The following NCKAP5 variants were observed in gnomAD, a reference collection of about 807,000 sequenced individuals.
NCKAP5 encodes the protein nck-associated protein 5.
A neutral mutation model predicts 167.0 loss-of-function variants in NCKAP5; 92 were observed. The ratio of observed to expected loss-of-function variants is 0.55; its 90% CI spans 0.47 to 0.66. NCKAP5 has a LOEUF of 0.66. Among genes scored for constraint, NCKAP5 ranks in the 30% least tolerant of loss-of-function variants. The probability of loss-of-function intolerance (pLI) is 0.00; values close to 1 mark genes in which losing one functional copy is unlikely to be tolerated. For synonymous variants in NCKAP5, 891 were observed against 877.4 expected (o/e 1.02, Z -0.27); for missense variants, 2,378 against 2,315.0 (o/e 1.03, Z -0.56).
intron 9 of NCKAP5, among the ~76,000 whole-genome samples, chr2:132,869,635 C>T (rs1048461482): frequency 3.3e-5 from 5 of 152,114 alleles, no homozygotes; most frequent in African/African-American, 7.2e-5. Context: ...ATTCTTGTAG[C>T]AAAATGTTGC....
chr2:133,522,874 G>C (rs1463029329), intron 2 of NCKAP5, among the ~76,000 whole-genome samples: 1 of 152,142 alleles, frequency 6.6e-6, no homozygotes, highest in Non-Finnish European at 1.5e-5. Flanking sequence ...CAACATCTCT[G>C]GTTATAAAAG....
At chr2:132,746,197 A>C (rs1679629352) in intron 16 of NCKAP5, among the ~76,000 whole-genome samples, 1 of 152,084 alleles carries the variant, frequency 6.6e-6, no homozygotes, top group African/African-American at 2.4e-5. Flanking sequence ...GTATTGGGTA[A>C]GGATTTGCAC....
the NCKAP5 span, among the ~76,000 whole-genome samples, chr2:133,651,864 C>T: frequency 6.6e-6 from 1 of 152,186 alleles, no homozygotes; most frequent in African/African-American, 2.4e-5. Flanking sequence ...ATAGATGAAC[C>T]TTGAGGACAT....
At chr2:132,752,507 A>G (rs1035715781) in intron 16 of NCKAP5, among the ~76,000 whole-genome samples, 2 of 152,186 alleles carry the variant, frequency 1.3e-5, no homozygotes, top group African/African-American at 4.8e-5. Flanking sequence ...TGGTGTCTGA[A>G]TCTTGGCATC....
Position 133,132,516 on chromosome 2 carries a change from C to CACACACACAA in NCKAP5, c.208-2406_208-2405insTTGTGTGTGT, listed in dbSNP as rs374197642. Among the ~76,000 whole-genome samples, 799 of 146,448 alleles carry CACACACACAA rather than the reference C, an allele frequency of 5.5e-3. 7 individuals carry two copies. The highest frequency in any genetic ancestry group is 0.018 in the African/African-American group (682 of 38,796). ...ACACACACACACACACACACACACA[C>CACACACACAA]AAACCCTGATAACACAGAGAAAATT... On this transcript the variant is annotated intron_variant, in intron 5 of 19. Coordinates refer to ENST00000409261, the MANE Select transcript of NCKAP5 (RefSeq NM_207363.3).
At chr2:133,429,798 T>C (rs1428019968) in intron 3 of NCKAP5, among the ~76,000 whole-genome samples, 1 of 152,146 alleles carries the variant, frequency 6.6e-6, no homozygotes. Context: ...TGCATGTATC[T>C]TTTTGGTAGA....
chr2:133,454,714 C>T (rs908815808), intron 3 of NCKAP5, among the ~76,000 whole-genome samples: 1 of 152,044 alleles, frequency 6.6e-6, no homozygotes, highest in Non-Finnish European at 1.5e-5. Context: ...CATTTCAAGG[C>T]TATCTGGATA....
chr2:132,684,194 T>G (rs1685634117), intron 19 of NCKAP5, among the ~76,000 whole-genome samples: 1 of 152,210 alleles, frequency 6.6e-6, no homozygotes, highest in African/African-American at 2.4e-5. Flanking sequence ...GAAAGGTGCT[T>G]TGCTCCAAGA....
intron 19 of NCKAP5, among the ~76,000 whole-genome samples, chr2:132,706,869 GA>G (rs922484765): frequency 7.9e-5 from 12 of 151,980 alleles, no homozygotes; most frequent in Admixed American, 3.3e-4. Flanking sequence ...CAAAAGGAAT[GA>G]AAAAAAGAAT....
intron 3 of NCKAP5, among the ~76,000 whole-genome samples, chr2:133,325,218 G>T (rs1476305454): frequency 6.6e-6 from 1 of 152,132 alleles, no homozygotes; most frequent in Non-Finnish European, 1.5e-5. Context: ...TTTCCCAACT[G>T]TACACAGGGA....
intron 15 of NCKAP5, among the ~76,000 whole-genome samples, chr2:132,778,011 T>C (rs997770799): frequency 6.6e-6 from 1 of 152,134 alleles, no homozygotes; most frequent in African/African-American, 2.4e-5. Flanking sequence ...GATAGTTAAA[T>C]AGGAGCCTAG....
chr2:133,543,981 G>A (rs1275325452), intron 2 of NCKAP5, among the ~76,000 whole-genome samples: 2 of 152,158 alleles, frequency 1.3e-5, no homozygotes, highest in African/African-American at 2.4e-5. Context: ...TCTAGAACAA[G>A]CTTATCTTGT....
rs1684991037 is a variant in NCKAP5 at position 132,801,014 on chromosome 2, A to T, written c.808-4285T>A. ...TTACAGTCAGGTGTGCCCACATGAC[A>T]CGTTTAGTTCTAGTCATGGAGCCTG... On this transcript the variant is annotated intron_variant, in intron 11 of 19. Coordinates refer to ENST00000409261, the MANE Select transcript of NCKAP5 (RefSeq NM_207363.3). 4.6e-5 allele frequency among the ~76,000 whole-genome samples: 7 copies of T among 152,110 alleles called. No homozygotes were observed. In the South Asian group the frequency reaches 1.5e-3, roughly 32 times the overall value.
At chr2:132,805,436 A>C (rs1685353660) in intron 11 of NCKAP5, among the ~76,000 whole-genome samples, 1 of 152,230 alleles carries the variant, frequency 6.6e-6, no homozygotes, top group African/African-American at 2.4e-5. Context: ...CATAGAATTA[A>C]AAAATAATTA....
intron 3 of NCKAP5, among the ~76,000 whole-genome samples, chr2:133,416,951 G>T (rs982640692): frequency 6.6e-6 from 1 of 152,066 alleles, no homozygotes; most frequent in African/African-American, 2.4e-5. Flanking sequence ...GGTCTTGCAC[G>T]CATCTGAGGG....
intron 5 of NCKAP5, among the ~76,000 whole-genome samples, chr2:133,196,903 A>C (rs2085459860): frequency 6.6e-6 from 1 of 152,160 alleles, no homozygotes; most frequent in Non-Finnish European, 1.5e-5. Flanking sequence ...TGGCACTCAG[A>C]TGGCAAGGTC....
intron 6 of NCKAP5, among the ~76,000 whole-genome samples, chr2:133,098,580 C>T (rs2081412325): frequency 6.6e-6 from 1 of 152,082 alleles, no homozygotes; most frequent in Admixed American, 6.5e-5. Context: ...CAAAGATCAA[C>T]TTTATTAGTG....
the NCKAP5 span, among the ~76,000 whole-genome samples, chr2:133,584,245 A>T: frequency 6.6e-6 from 1 of 152,168 alleles, no homozygotes; most frequent in Non-Finnish European, 1.5e-5. Flanking sequence ...GCTAAAAAAT[A>T]TTCTCTTAAG....
chr2:132,781,404 A>G (rs1260466790), intron 14 of NCKAP5, among the ~76,000 whole-genome samples, 175 bp from the exon 15 acceptor site: 1 of 152,216 alleles, frequency 6.6e-6, no homozygotes, highest in Non-Finnish European at 1.5e-5. Context: ...TTCTAGTAGC[A>G]TGTCAATTTA....
Sources: gnomAD v4.1 joint callset for allele counts (sites outside exome capture counted in the v4.1 genomes callset) on GRCh38, gnomAD v4.1.1 for gene constraint, MANE v1.5 for transcripts, NCBI Gene and HGNC (gene_info 2026-07-23, HGNC 2026-07-21) for gene names.